PHC2: variants seen among roughly 807,000 people sequenced by gnomAD.
PHC2 encodes polyhomeotic-like protein 2.
In PHC2, 29 loss-of-function variants were observed where a neutral mutation model predicts 87.4. That is an observed-to-expected ratio of 0.33 (90% confidence interval 0.25 to 0.45). The LOEUF (loss-of-function observed/expected upper bound fraction) is 0.45, where lower values mean the gene tolerates loss of function less well. Ranked by LOEUF, PHC2 falls within the 20% of genes least tolerant of loss-of-function variation. The probability of loss-of-function intolerance (pLI) is 1.00; values close to 1 mark genes in which losing one functional copy is unlikely to be tolerated. For synonymous variants in PHC2, 438 were observed against 461.7 expected, an observed-to-expected ratio of 0.95 and a Z score of 0.66; for missense variants, 857 against 1,136.7, an observed-to-expected ratio of 0.75 and a Z score of 3.54.
Position 33,332,857 on chromosome 1 carries a change from C to G in PHC2, c.1762-453G>C, listed in dbSNP as rs184775362. 7.7e-4 allele frequency among the ~76,000 whole-genome samples: 117 copies of G among 152,264 alleles called. No homozygotes were observed. Among genetic ancestry groups the G allele is most frequent in the African/African-American group, 2.7e-3 (112 of 41,550 alleles). ...CTCCACCTTACCCCAATGCCTGACCCAAGCCAGAGGTACAGGCCGCCACAG... is the reference window on the plus strand; with the variant it reads ...CTCCACCTTACCCCAATGCCTGACCGAAGCCAGAGGTACAGGCCGCCACAG... On this transcript the variant is annotated intron_variant, in intron 10 of 14. Transcript: ENST00000683057. This position sits in a 1 kb window ranked among gnomAD's most constrained non-coding sequence, Gnocchi z 4.2.
chr1:33,333,940 G>A, intron 10 of PHC2, 150 bp downstream of exon 10: 1 of 692,822 alleles, frequency 1.4e-6, no homozygotes, highest in Admixed American at 2.9e-5. Flanking sequence ...ATCCTAGAAA[G>A]AAATGGCTCT....
intron 1 of PHC2, among the ~76,000 whole-genome samples, chr1:33,385,391 T>C (rs1294372736): frequency 6.6e-6 from 1 of 152,168 alleles, no homozygotes; most frequent in Non-Finnish European, 1.5e-5. Flanking sequence ...TTCTACTCCA[T>C]AAAAATGAGC....
chr1:33,404,197 T>C (rs1399273235), intron 1 of PHC2, among the ~76,000 whole-genome samples: 1 of 152,224 alleles, frequency 6.6e-6, no homozygotes, highest in African/African-American at 2.4e-5. Flanking sequence ...TCTCAGTGAA[T>C]GGCACTGCCA....
rs972113061 is a variant in PHC2, at chr1:33,364,313, TAACA to T, written c.976+2799_976+2802del. Reference sequence around the variant, plus strand: ...CCAGCCAGCTCAAAAAATGCTCCAATAACAAACAAAAAATGTGTGCGCGCTCGCT... The same window carrying T: ...CCAGCCAGCTCAAAAAATGCTCCAATAACAAAAAATGTGTGCGCGCTCGCT... On this transcript the variant is annotated intron_variant, in intron 7 of 14. Coordinates refer to ENST00000683057, the MANE Select transcript of PHC2 (RefSeq NM_001385109.1). This position sits in a 1 kb window ranked among gnomAD's most constrained non-coding sequence, Gnocchi z 4.1. Among the ~76,000 whole-genome samples the T allele has an allele frequency of 3.3e-5, 5 of 151,516 alleles. No homozygotes were observed. The highest frequency in any genetic ancestry group is 7.3e-5 in the African/African-American group (3 of 41,190).
chr1:33,415,602 T>C (rs894036573), intron 1 of PHC2, among the ~76,000 whole-genome samples: 1 of 152,130 alleles, frequency 6.6e-6, no homozygotes, highest in Admixed American at 6.5e-5. Context: ...TAACAATACC[T>C]AGTCCCCCAT....
At chr1:33,412,916 G>A (rs138932986) in intron 1 of PHC2, among the ~76,000 whole-genome samples, 16 of 152,100 alleles carry the variant, frequency 1.1e-4, no homozygotes, top group African/African-American at 3.6e-4. Context: ...GAAACTCAGG[G>A]TTATCATCAG....
intron 7 of PHC2, among the ~76,000 whole-genome samples, chr1:33,356,295 T>TACGTATATATATATATA (rs1647084160): frequency 6.0e-5 from 5 of 83,514 alleles, no homozygotes; most frequent in Non-Finnish European, 9.9e-5. Context: ...ATATATATAT[T>TACGTATATATATATATA]TATTTATTTA....
chr1:33,354,561 C>T lies in PHC2; in HGVS notation c.1398G>A (p.Gln466=). Reference sequence around the variant, plus strand: ...CTTTCCAGTCATCAGGGACACACTGCTGGGGCTGTCAAAGGACAGGACAGA... The same window carrying T: ...CTTTCCAGTCATCAGGGACACACTGTTGGGGCTGTCAAAGGACAGGACAGA... ...LQLQPASPVP[Q]QCVPDDWKEV... The change falls in exon 9 of 15, where the codon CAG becomes CAA. Residue 466 remains glutamine, a synonymous_variant. Transcript: ENST00000683057. 6.2e-7 allele frequency: 1 copy of T among 1,612,974 alleles called. No homozygotes were observed. The highest frequency in any genetic ancestry group is 1.7e-5 in the Admixed American group (1 of 59,922).
chr1:33,416,411 C>CAA (rs58443586), intron 1 of PHC2, among the ~76,000 whole-genome samples: 120 of 125,244 alleles, frequency 9.6e-4, no homozygotes, highest in South Asian at 2.0e-3. Flanking sequence ...ACTAAAAATA[C>CAA]AAAAAAAAAA....
chr1:33,394,851 T>C (rs772942315), intron 1 of PHC2, among the ~76,000 whole-genome samples: 1 of 152,216 alleles, frequency 6.6e-6, no homozygotes, highest in Non-Finnish European at 1.5e-5. Context: ...ATTACAGGCA[T>C]GAGCCATCAC....
At chr1:33,413,527 C>A (rs1439600939) in intron 1 of PHC2, among the ~76,000 whole-genome samples, 1 of 152,078 alleles carries the variant, frequency 6.6e-6, no homozygotes, top group Non-Finnish European at 1.5e-5. Flanking sequence ...TTATTCAGGC[C>A]CAGCTAGTAA....
intron 1 of PHC2, among the ~76,000 whole-genome samples, chr1:33,414,809 T>C (rs1436110565): frequency 1.3e-5 from 2 of 152,348 alleles, no homozygotes; most frequent in African/African-American, 4.8e-5. Context: ...TCACAAGCCA[T>C]ATTTTAAATG....
At chr1:33,418,649 A>G (rs187948314) in intron 1 of PHC2, among the ~76,000 whole-genome samples, 1 of 152,292 alleles carries the variant, frequency 6.6e-6, no homozygotes, top group African/African-American at 2.4e-5. Flanking sequence ...TTATTGGTGA[A>G]TTCCATTAAA....
intron 7 of PHC2, among the ~76,000 whole-genome samples, chr1:33,360,779 T>G (rs766693603): frequency 6.6e-6 from 1 of 152,234 alleles, no homozygotes; most frequent in Non-Finnish European, 1.5e-5. Flanking sequence ...AAGCAAGAGC[T>G]GAGAGTAGTT....
At chr1:33,416,441 T>C (rs1473294739) in intron 1 of PHC2, among the ~76,000 whole-genome samples, 2 of 150,236 alleles carry the variant, frequency 1.3e-5, no homozygotes, top group African/African-American at 4.9e-5. Context: ...CCAGGCATGG[T>C]GGCAGGCACC....
intron 1 of PHC2, among the ~76,000 whole-genome samples, chr1:33,411,587 A>T (rs1649984631): frequency 6.6e-6 from 1 of 152,058 alleles, no homozygotes; most frequent in Non-Finnish European, 1.5e-5. Flanking sequence ...TTTGAGACGG[A>T]GTCTTGCTCT....
chr1:33,393,671 ATTG>A lies in PHC2; in HGVS notation c.-54-18081_-54-18079del, dbSNP rs111617786. Among the ~76,000 whole-genome samples the A allele has an allele frequency of 1.7e-3, 256 of 152,366 alleles. 5 individuals are homozygous for A. Among genetic ancestry groups the A allele is most frequent in the African/African-American group, 5.0e-3 (210 of 41,588 alleles). On this transcript the variant is annotated intron_variant, in intron 1 of 14. Transcript: ENST00000683057. ...CAGAAGGTAGGTTGATTTTGCTGTC[ATTG>A]TTGTTATTGACTTGATGCTCAGTAA...
At position 33,332,327 on chromosome 1, in the gene PHC2, C is replaced by T; in HGVS notation, c.1839G>A (p.Gln613=). The change falls in exon 11 of 15, where the codon CAG becomes CAA. Residue 613 remains glutamine (Q), a synonymous_variant. Transcript: ENST00000683057. The surrounding 1 kb of genome is among the most constrained non-coding windows in gnomAD (Gnocchi z 4.2). The part of the protein sequence containing the change: ...AQGFLPEKLP[Q]QDHTTTTDSE... ...AGTCAGTGGTGGTGGTGTGATCCTG[C>T]TGTGGAAGTTTCTCAGGCAGGAACC... 6.2e-7 allele frequency: 1 copy of T among 1,614,176 alleles called. No individual in the cohort carries two copies. The highest frequency in any genetic ancestry group is 8.5e-7 in the Non-Finnish European group (1 of 1,180,020).
chr1:33,360,951 G>C (rs1161621254), intron 7 of PHC2, among the ~76,000 whole-genome samples: 2 of 152,224 alleles, frequency 1.3e-5, no homozygotes, highest in African/African-American at 4.8e-5. Context: ...GTGAATAACA[G>C]AAGTCAGTAA....
Sources: gnomAD v4.1 joint callset for allele counts (sites outside exome capture counted in the v4.1 genomes callset) on GRCh38, gnomAD v4.1.1 for gene constraint, Gnocchi (gnomAD v3.1) non-coding constraint, MANE v1.5 for transcripts, NCBI Gene and HGNC (gene_info 2026-07-23, HGNC 2026-07-21) for gene names.